The following SGSM3 variants were observed in gnomAD, a reference collection of about 807,000 sequenced individuals.
SGSM3 encodes RUN and SH3 containing 3.
SGSM3 carries 96 observed loss-of-function variants against 100.5 expected under a neutral mutation model. The observed-to-expected ratio is 0.96, with a 90% CI of 0.81 to 1.13. SGSM3 has a LOEUF of 1.13. Among genes scored for constraint, SGSM3 ranks in the 50% most tolerant of loss-of-function variants. The pLI, the probability that SGSM3 is intolerant of heterozygous loss-of-function variation, is 0.00. For synonymous variants in SGSM3, 483 were observed against 422.8 expected, an observed-to-expected ratio of 1.14 and a Z score of -1.75; for missense variants, 1,001 against 1,015.8, an observed-to-expected ratio of 0.99 and a Z score of 0.20.
chr22:40,401,711 C>G (rs1343940564), intron 3 of SGSM3, 36 bp downstream of exon 3: 2 of 1,574,316 alleles, frequency 1.3e-6, no homozygotes, highest in Non-Finnish European at 1.7e-6. Flanking sequence ...CTGCTGTGCT[C>G]CCACGCTGTG....
intron 21 of SGSM3, 36 bp downstream of exon 21, chr22:40,409,561 G>A (rs779377665): frequency 4.3e-6 from 7 of 1,612,444 alleles, no homozygotes; most frequent in Non-Finnish European, 5.9e-6. Flanking sequence ...CTGCACTGAT[G>A]GAGCTGCCCA....
intron 1 of SGSM3, chr22:40,376,662 C>G (rs2046668721): frequency 6.6e-6 from 1 of 151,988 alleles, no homozygotes; most frequent in African/African-American, 2.4e-5. Context: ...AGTATTATGC[C>G]CATTTACAGG....
chr22:40,408,102 G>A lies in SGSM3; in HGVS notation c.1611G>A (p.Leu537=), dbSNP rs944303866. The A allele has an allele frequency of 3.1e-6, 5 of 1,613,380 alleles. No homozygotes were observed. Among genetic ancestry groups the A allele is most frequent in the Non-Finnish European group, 4.2e-6 (5 of 1,179,838 alleles). The change falls in exon 15 of 22, where the codon CTG becomes CTA. Residue 537 remains leucine (L), a synonymous_variant. Transcript: ENST00000248929. ...GWFPAKFVEV[L]DERSKEYSIA... Reference sequence around the variant, plus strand: ...TTCCAGCCAAGTTCGTGGAAGTCCTGGATGAGCGCAGCAAAGAGGTGAGGG... The same window carrying A: ...TTCCAGCCAAGTTCGTGGAAGTCCTAGATGAGCGCAGCAAAGAGGTGAGGG...
intron 1 of SGSM3, among the ~76,000 whole-genome samples, chr22:40,384,674 G>A (rs571363300): frequency 1.3e-5 from 2 of 152,280 alleles, no homozygotes; most frequent in African/African-American, 2.4e-5. Flanking sequence ...CAGCTACTCA[G>A]GAGGCTAAGG....
intron 1 of SGSM3, among the ~76,000 whole-genome samples, chr22:40,396,413 G>A (rs2050048934): frequency 6.6e-6 from 1 of 151,858 alleles, no homozygotes; most frequent in Admixed American, 6.6e-5. Flanking sequence ...CCAACACGGC[G>A]AAACCCCAAC....
intron 3 of SGSM3, 38 bp from the exon 4 acceptor site, chr22:40,402,101 G>A (rs751699381): frequency 1.3e-6 from 2 of 1,541,580 alleles, no homozygotes; most frequent in Non-Finnish European, 1.8e-6. Context: ...CCCCAACTAG[G>A]GGACAGGCAA....
rs1384127816 is a variant in SGSM3, at chr22:40,409,800, T to C, written c.*41T>C. On this transcript the variant is annotated 3_prime_UTR_variant, in exon 22 of 22. Coordinates refer to ENST00000248929, the MANE Select transcript of SGSM3 (RefSeq NM_015705.6). ...CCCAACCTCGGGCCTGCGTCTGAGGTGGCCCAGGACCCCAAGCTGCAGAGC... is the reference window on the plus strand; with the variant it reads ...CCCAACCTCGGGCCTGCGTCTGAGGCGGCCCAGGACCCCAAGCTGCAGAGC... 1.9e-6 allele frequency: 3 copies of C among 1,588,082 alleles called. No individual in the cohort carries two copies. Among genetic ancestry groups the C allele is most frequent in the African/African-American group, 1.3e-5 (1 of 74,534 alleles).
Position 40,409,887 on chromosome 22 carries a change from C to CA in SGSM3, c.*129dup. 7.0e-7 allele frequency: 1 copy of CA among 1,433,532 alleles called. No individual in the cohort carries two copies. Among genetic ancestry groups the CA allele is most frequent in the Non-Finnish European group, 9.1e-7 (1 of 1,099,796 alleles). 88.8% of individuals were successfully genotyped at this position (1,433,532 alleles called of 1,614,324 possible). A position where few individuals can be genotyped will look rare whatever the true frequency, so the allele number is the denominator to read the frequency against. On this transcript the variant is annotated 3_prime_UTR_variant, in exon 22 of 22. Coordinates refer to ENST00000248929, the MANE Select transcript of SGSM3 (RefSeq NM_015705.6). Reference sequence around the variant, plus strand: ...GCGGGATATCAATATCAGGCTGCCCCACTCCACGTTCCCCAGCACATCCCA... The same window carrying CA: ...GCGGGATATCAATATCAGGCTGCCCCAACTCCACGTTCCCCAGCACATCCCA...
chr22:40,408,052 G>C lies in SGSM3; in HGVS notation c.1580-19G>C. On this transcript the variant is annotated intron_variant, in intron 14 of 21. Coordinates refer to ENST00000248929, the MANE Select transcript of SGSM3 (RefSeq NM_015705.6). The stretch of plus-strand genomic sequence containing the variant: ...TCGGCCCTCGTGGTTGCTCCTTACA[G>C]GGCCTGTTTTTCCCACAGGCTGGTT... 6.2e-7 allele frequency: 1 copy of C among 1,612,960 alleles called. No individual in the cohort carries two copies. Among genetic ancestry groups the C allele is most frequent in the Non-Finnish European group, 8.5e-7 (1 of 1,179,562 alleles).
At chr22:40,382,519 C>T (rs1326295911) in intron 1 of SGSM3, among the ~76,000 whole-genome samples, 2 of 152,184 alleles carry the variant, frequency 1.3e-5, no homozygotes, top group Non-Finnish European at 1.5e-5. Flanking sequence ...TACCTCACAG[C>T]ATGGCAGGTG....
chr22:40,376,932 T>G (rs1425367449), intron 1 of SGSM3, among the ~76,000 whole-genome samples: 1 of 152,208 alleles, frequency 6.6e-6, no homozygotes, highest in Non-Finnish European at 1.5e-5. Context: ...TTTTCTTTGA[T>G]TGTCATAGGA....
intron 1 of SGSM3, among the ~76,000 whole-genome samples, chr22:40,384,648 C>T (rs2048141670): frequency 1.3e-5 from 2 of 152,008 alleles, no homozygotes; most frequent in African/African-American, 2.4e-5. Context: ...GGCATGGTGG[C>T]GGGCGCCTGT....
chr22:40,408,484 C>T, intron 16 of SGSM3, 55 bp downstream of exon 16: 1 of 1,602,146 alleles, frequency 6.2e-7, no homozygotes, highest in South Asian at 1.1e-5. Context: ...TGCTGTGCCC[C>T]CTAGTACCCA....
Position 40,404,183 on chromosome 22 carries a change from T to G in SGSM3, c.158-64T>G, listed in dbSNP as rs1458201264. 8.0e-6 allele frequency: 11 copies of G among 1,376,866 alleles called. No individual in the cohort carries two copies. The Admixed American group carries it at 2.7e-4, about 33-fold the overall frequency. The allele number at this position is 1,376,866 out of a possible 1,614,324, so 85.3% of individuals were successfully genotyped here. On this transcript the variant is annotated intron_variant, in intron 4 of 21. Coordinates refer to ENST00000248929, the MANE Select transcript of SGSM3 (RefSeq NM_015705.6). ...TCAGACCCTCCTGAAGACGGAGGCT[T>G]GGCTGCTTGGAGAACACGTAGTAGA...
At position 40,407,705 on chromosome 22, in the gene SGSM3, T is replaced by A; in HGVS notation, c.1525-84T>A. The A allele has an allele frequency of 1.3e-6, 2 of 1,588,620 alleles. No homozygotes were observed. Among genetic ancestry groups the A allele is most frequent in the Non-Finnish European group, 1.7e-6 (2 of 1,157,504 alleles). On this transcript the variant is annotated intron_variant, in intron 13 of 21. Coordinates refer to ENST00000248929, the MANE Select transcript of SGSM3 (RefSeq NM_015705.6). The surrounding 1 kb of genome is among the most constrained non-coding windows in gnomAD (Gnocchi z 4.7). ...ATGTAGGGGTCTTGGCCTGGCCTAGTTGCTGAGGAGTCATATCGGGGGTGC... is the reference window on the plus strand; with the variant it reads ...ATGTAGGGGTCTTGGCCTGGCCTAGATGCTGAGGAGTCATATCGGGGGTGC...
At chr22:40,384,022 G>A (rs1421517285) in intron 1 of SGSM3, among the ~76,000 whole-genome samples, 4 of 152,200 alleles carry the variant, frequency 2.6e-5, no homozygotes, top group Non-Finnish European at 5.9e-5. Context: ...GCCAAAGTGG[G>A]AGGATTGCTT....
In SGSM3 at chr22:40,408,286, G is replaced by T; in HGVS notation, c.1639G>T (p.Ala547Ser). ...CCATCCCTCCCATCAGTACTCCATC[G>T]CGGGGGATGACTCGGTGACGGAGGG... ...LDERSKEYSI[A>S]GDDSVTEGVT... is the part of the protein sequence containing the mutation. The change falls in exon 16 of 22, where the codon GCG becomes TCG. Residue 547 changes from alanine to serine, a missense_variant. Transcript: ENST00000248929. 2 of 1,613,588 alleles carry T rather than the reference G, an allele frequency of 1.2e-6. No individual in the cohort carries two copies. Among genetic ancestry groups the T allele is most frequent in the Admixed American group, 1.7e-5 (1 of 60,020 alleles).
intron 16 of SGSM3, 36 bp downstream of exon 16, chr22:40,408,465 C>CA: frequency 6.2e-7 from 1 of 1,611,988 alleles, no homozygotes; most frequent in Non-Finnish European, 8.5e-7. Flanking sequence ...CCCCACCCTG[C>CA]ACCAGCCCTG....
Position 40,409,502 on chromosome 22 carries a change from T to C in SGSM3, c.2149T>C (p.Trp717Arg). 6.3e-7 allele frequency: 1 copy of C among 1,594,646 alleles called. No individual in the cohort carries two copies. The highest frequency in any genetic ancestry group is 8.5e-7 in the Non-Finnish European group (1 of 1,170,250). The change falls in exon 21 of 22, where the codon TGG (tryptophan) becomes CGG (arginine). Residue 717 changes from tryptophan to arginine, a missense_variant. Transcript: ENST00000248929. ...CTTTGCCTTCAGCCTCTCCCAGGAC[T>C]GGGAGCTCCCTGCGAAGAGAGAGGT... ...CCFAFSLSQD[W>R]ELPAKREAQQ... is the part of the protein sequence containing the mutation.
Sources: gnomAD v4.1 joint callset for allele counts (sites outside exome capture counted in the v4.1 genomes callset) on GRCh38, gnomAD v4.1.1 for gene constraint, Gnocchi (gnomAD v3.1) non-coding constraint, MANE v1.5 for transcripts, NCBI Gene and HGNC (gene_info 2026-07-23, HGNC 2026-07-21) for gene names.